Variants in SC5D observed in about 807,000 individuals in gnomAD.
The protein encoded by SC5D is sterol-C5-desaturase.
Under a neutral mutation model 23.9 loss-of-function variants are expected in SC5D, and 21 were observed. That is an observed-to-expected ratio of 0.88 (90% CI 0.62 to 1.26). The LOEUF (loss-of-function observed/expected upper bound fraction) is 1.26. SC5D is among the 50% of genes most tolerant of loss of function. The probability of loss-of-function intolerance (pLI) is 0.00; values close to 1 mark genes in which losing one functional copy is unlikely to be tolerated. For missense variants in SC5D, 309 were observed against 364.8 expected (o/e 0.85, Z 1.25); for synonymous variants, 113 against 125.9 (o/e 0.90, Z 0.68).
chr11:121,311,431 A>C lies in SC5D; in HGVS notation c.*3919A>C, dbSNP rs539137184. ...CATCAAGGATAAACTATCTTTTTTT[A>C]GTCACTCAAAGTCATAACCCTTTGG... On this transcript the variant is annotated 3_prime_UTR_variant, in exon 5 of 5. Transcript: ENST00000264027. 1.3e-5 allele frequency among the ~76,000 whole-genome samples: 2 copies of C among 152,316 alleles called. No individual in the cohort carries two copies. Among genetic ancestry groups the C allele is most frequent in the South Asian group, 4.1e-4 (2 of 4,828 alleles).
chr11:121,307,975 T>G lies in SC5D; in HGVS notation c.*463T>G. 6.3e-6 allele frequency: 1 copy of G among 158,076 alleles called. No homozygotes were observed. Among genetic ancestry groups the G allele is most frequent in the Admixed American group, 6.0e-5 (1 of 16,622 alleles). The allele number at this position is 158,076 out of a possible 1,614,324, so 9.8% of individuals were successfully genotyped here. A position where few individuals can be genotyped will look rare whatever the true frequency, so the allele number is the denominator to read the frequency against. On this transcript the variant is annotated 3_prime_UTR_variant, in exon 5 of 5. Transcript: ENST00000264027. Reference sequence around the variant, plus strand: ...TTCAGGAATGGTTAATTCTTCAACGTTGGTATGATAATGATAACTTGTTTT... The same window carrying G: ...TTCAGGAATGGTTAATTCTTCAACGGTGGTATGATAATGATAACTTGTTTT...
rs1467402286 is a variant in SC5D, at chr11:121,299,731, A to T, written c.-10-3635A>T. Reference sequence around the variant, plus strand: ...ATAATGAGCCCTTGTCCATACAAAAAAATTTTTTCTTAATTGACTGGGCAT... The same window carrying T: ...ATAATGAGCCCTTGTCCATACAAAATAATTTTTTCTTAATTGACTGGGCAT... On this transcript the variant is annotated intron_variant, in intron 1 of 4. Coordinates refer to ENST00000264027, the MANE Select transcript of SC5D (RefSeq NM_006918.5). Among the ~76,000 whole-genome samples, 6 of 152,292 alleles carry T rather than the reference A, an allele frequency of 3.9e-5. No homozygotes were observed. The East Asian group carries it at 1.2e-3, about 29-fold the overall frequency.
intron 1 of SC5D, among the ~76,000 whole-genome samples, chr11:121,296,938 G>A (rs1476824686): frequency 6.6e-6 from 1 of 152,114 alleles, no homozygotes; most frequent in African/African-American, 2.4e-5. Flanking sequence ...GGGAAAACGG[G>A]CAAAGGATAA....
chr11:121,306,282 T>G, intron 3 of SC5D, 104 bp from the exon 4 acceptor site: 1 of 710,694 alleles, frequency 1.4e-6, no homozygotes, highest in Non-Finnish European at 2.6e-6. Flanking sequence ...ATTTATAATG[T>G]TTGAGTCTAG....
intron 1 of SC5D, among the ~76,000 whole-genome samples, chr11:121,299,130 A>G (rs1947909495): frequency 6.6e-6 from 1 of 152,258 alleles, no homozygotes; most frequent in African/African-American, 2.4e-5. Flanking sequence ...GTGAACACAG[A>G]TGGGAAGATC....
chr11:121,297,270 A>G (rs1401336114), intron 1 of SC5D, among the ~76,000 whole-genome samples: 1 of 152,220 alleles, frequency 6.6e-6, no homozygotes, highest in African/African-American at 2.4e-5. Context: ...CTGTCATTGT[A>G]GCATTATTTG....
chr11:121,306,612 T>C (rs1217002014), intron 4 of SC5D, 126 bp downstream of exon 4: 1 of 707,532 alleles, frequency 1.4e-6, no homozygotes, highest in Non-Finnish European at 2.6e-6. Flanking sequence ...GCCATAATCA[T>C]AACAGGTACA....
In SC5D at chr11:121,310,214, A is replaced by C. The variant is rs1350077231; in HGVS notation, c.*2702A>C. 6.6e-6 allele frequency among the ~76,000 whole-genome samples: 1 copy of C among 152,238 alleles called. No individual in the cohort carries two copies. The highest frequency in any genetic ancestry group is 2.4e-5 in the African/African-American group (1 of 41,464). Reference sequence around the variant, plus strand: ...AGATATTTGGGATTAACACAGATAGAAGAAAAGTTTGAAACCATGAGATTG... The same window carrying C: ...AGATATTTGGGATTAACACAGATAGCAGAAAAGTTTGAAACCATGAGATTG... On this transcript the variant is annotated 3_prime_UTR_variant, in exon 5 of 5. Transcript: ENST00000264027.
intron 1 of SC5D, among the ~76,000 whole-genome samples, chr11:121,302,485 T>C (rs751844832): frequency 9.9e-5 from 15 of 152,216 alleles, no homozygotes; most frequent in Non-Finnish European, 1.8e-4. Context: ...CTTAAATATG[T>C]ACTGAACTGA....
chr11:121,298,885 G>A (rs1947907892), intron 1 of SC5D, among the ~76,000 whole-genome samples: 1 of 152,184 alleles, frequency 6.6e-6, no homozygotes, highest in Non-Finnish European at 1.5e-5. Context: ...ATAGTCAAAG[G>A]GAGTTGTTCT....
At chr11:121,302,532 G>A (rs1293106314) in intron 1 of SC5D, among the ~76,000 whole-genome samples, 1 of 152,170 alleles carries the variant, frequency 6.6e-6, no homozygotes, top group East Asian at 1.9e-4. Flanking sequence ...TGAAACAGGA[G>A]TTGGCAAACT....
In SC5D at chr11:121,306,688, G is replaced by T. The variant is rs1173463755; in HGVS notation, c.444+202G>T. On this transcript the variant is annotated intron_variant, in intron 4 of 4. Coordinates refer to ENST00000264027, the MANE Select transcript of SC5D (RefSeq NM_006918.5). ...GCTGTCTTAAAATTCGTCTGTTCCG[G>T]TAACAGGTACACATGGACTTACAGA... 5.9e-6 allele frequency: 4 copies of T among 677,256 alleles called. No homozygotes were observed. The Admixed American group carries it at 8.2e-5, about 14-fold the overall frequency. The allele number at this position is 677,256 out of a possible 1,614,324, so 42.0% of individuals were successfully genotyped here.
intron 1 of SC5D, among the ~76,000 whole-genome samples, chr11:121,299,035 G>A (rs888677108): frequency 6.6e-6 from 1 of 152,222 alleles, no homozygotes; most frequent in Non-Finnish European, 1.5e-5. Context: ...CCATCTGGAT[G>A]TATACGTGCA....
Position 121,301,321 on chromosome 11 carries a change from T to A in SC5D, c.-10-2045T>A, listed in dbSNP as rs533115743. Among the ~76,000 whole-genome samples, 30 of 135,596 alleles carry A rather than the reference T, an allele frequency of 2.2e-4. No individual in the cohort carries two copies. In the East Asian group the frequency reaches 5.5e-3, roughly 25 times the overall value. The allele number at this position is 135,596 out of a possible 152,430, so 89.0% of individuals were successfully genotyped here. A position where few individuals can be genotyped will look rare whatever the true frequency, so the allele number is the denominator to read the frequency against. ...GATAAAAGTTTTTTTTTTTTTTTTT[T>A]AAAGAACCAAATGGAAACGCAGGTG... On this transcript the variant is annotated intron_variant, in intron 1 of 4. Transcript: ENST00000264027.
chr11:121,304,215 A>G (rs890731156), intron 2 of SC5D, 146 bp from the exon 3 acceptor site: 13 of 666,796 alleles, frequency 1.9e-5, no homozygotes, highest in Non-Finnish European at 3.1e-5. Context: ...ACCTATTTTT[A>G]TGTATTTAAA....
rs1167258393 is a variant in SC5D, at chr11:121,308,304, AAAG to A, written c.*795_*797del. The A allele has an allele frequency of 6.6e-6, 1 of 152,248 alleles. No homozygotes were observed. Among genetic ancestry groups the A allele is most frequent in the Non-Finnish European group, 1.5e-5 (1 of 68,038 alleles). 9.4% of individuals were successfully genotyped at this position (152,248 alleles called of 1,614,324 possible). On this transcript the variant is annotated 3_prime_UTR_variant, in exon 5 of 5. Transcript: ENST00000264027. ...TATGTGAATCTGGATATATTTAAAAAAAGAAATTTGATGCCCAGATAATATATT... is the reference window on the plus strand; with the variant it reads ...TATGTGAATCTGGATATATTTAAAAAAAATTTGATGCCCAGATAATATATT...
intron 1 of SC5D, among the ~76,000 whole-genome samples, chr11:121,302,374 G>T (rs1463356446): frequency 1.3e-5 from 2 of 152,152 alleles, no homozygotes; most frequent in Non-Finnish European, 2.9e-5. Flanking sequence ...AATGAGGGAT[G>T]AGTGAGTCGA....
Position 121,306,382 on chromosome 11 carries a change from C to A in SC5D, c.344-4C>A. On this transcript the variant is annotated splice_region_variant and splice_polypyrimidine_tract_variant and intron_variant, in intron 3 of 4. Coordinates refer to ENST00000264027, the MANE Select transcript of SC5D (RefSeq NM_006918.5). ...ATTCTTCTGTTTCCCGTTTTCTTTT[C>A]TAGGATTGTTTGAACTTGTCGTTAG... The A allele has an allele frequency of 6.9e-7, 1 of 1,447,692 alleles. No individual in the cohort carries two copies. Among genetic ancestry groups the A allele is most frequent in the Non-Finnish European group, 9.7e-7 (1 of 1,029,694 alleles). The allele number at this position is 1,447,692 out of a possible 1,614,324, so 89.7% of individuals were successfully genotyped here.
At chr11:121,295,882 A>G (rs1947885569) in intron 1 of SC5D, among the ~76,000 whole-genome samples, 1 of 152,058 alleles carries the variant, frequency 6.6e-6, no homozygotes, top group African/African-American at 2.4e-5. Context: ...AACGTGGGTT[A>G]TCCAAATCCT....
Sources: allele counts gnomAD v4.1 joint callset (sites outside exome capture counted in the v4.1 genomes callset), GRCh38; gene constraint gnomAD v4.1.1; transcripts MANE v1.5; gene names NCBI Gene and HGNC (gene_info 2026-07-23, HGNC 2026-07-21).